MICU1: variants seen among roughly 807,000 people sequenced by gnomAD.
The protein encoded by MICU1 is mitochondrial calcium uptake 1.
A neutral mutation model predicts 56.8 loss-of-function variants in MICU1; 45 were observed. The observed-to-expected ratio is 0.79, with a 90% CI of 0.62 to 1.02. The LOEUF is 1.02. Ranked by LOEUF, MICU1 falls within the 50% of genes least tolerant of loss-of-function variation. The probability of loss-of-function intolerance (pLI) is 0.00; values close to 1 mark genes in which losing one functional copy is unlikely to be tolerated. For missense variants in MICU1, 504 were observed against 587.1 expected, an observed-to-expected ratio of 0.86 and a Z score of 1.46; for synonymous variants, 186 against 195.1, an observed-to-expected ratio of 0.95 and a Z score of 0.39.
intron 10 of MICU1, among the ~76,000 whole-genome samples, chr10:72,377,238 G>C (rs1420894158): frequency 6.6e-6 from 1 of 151,938 alleles, no homozygotes; most frequent in Non-Finnish European, 1.5e-5. Context: ...TCCTGCTTCA[G>C]CCTCCCAAGT....
intron 6 of MICU1, chr10:72,477,555 T>C: frequency 7.2e-6 from 11 of 1,535,044 alleles, no homozygotes; most frequent in Non-Finnish European, 9.6e-6. Flanking sequence ...CACCATCTTC[T>C]TAGCTTAGTA....
At chr10:72,402,750 T>C (rs1863496794) in intron 10 of MICU1, among the ~76,000 whole-genome samples, 1 of 152,082 alleles carries the variant, frequency 6.6e-6, no homozygotes. Flanking sequence ...CAGGAAATGA[T>C]AAAGGAAGTT....
At chr10:72,454,540 T>C (rs369455485) in intron 8 of MICU1, among the ~76,000 whole-genome samples, 9 of 151,726 alleles carry the variant, frequency 5.9e-5, no homozygotes, top group Non-Finnish European at 1.5e-5. Flanking sequence ...CCCAGCACTT[T>C]GGGAGGCCAA....
chr10:72,504,300 C>G (rs950234201), intron 6 of MICU1, among the ~76,000 whole-genome samples: 9 of 152,058 alleles, frequency 5.9e-5, no homozygotes, highest in Non-Finnish European at 1.2e-4. Context: ...TGGAATAGAA[C>G]AGAAAACCCG....
At chr10:72,521,913 A>G (rs1867834349) in intron 5 of MICU1, among the ~76,000 whole-genome samples, 2 of 152,182 alleles carry the variant, frequency 1.3e-5, no homozygotes, top group African/African-American at 4.8e-5. Flanking sequence ...GCATATTTCA[A>G]TCATTTTGAA....
chr10:72,602,935 G>C (rs536954367), intron 1 of MICU1, among the ~76,000 whole-genome samples: 1 of 151,958 alleles, frequency 6.6e-6, no homozygotes, highest in Non-Finnish European at 1.5e-5. Context: ...GTGAAACACC[G>C]CCTCTGCTAA....
At position 72,458,721 on chromosome 10, in the gene MICU1, T is replaced by TAAA. The variant is rs1174947208; in HGVS notation, c.933+16378_933+16379insTTT. Among the ~76,000 whole-genome samples, 5 of 110,002 alleles carry TAAA rather than the reference T, an allele frequency of 4.5e-5. No homozygotes were observed. The South Asian group carries it at 8.2e-4, about 18-fold the overall frequency. 72.2% of individuals were successfully genotyped at this position (110,002 alleles called of 152,430 possible). On this transcript the variant is annotated intron_variant, in intron 8 of 11. Coordinates refer to ENST00000361114, the MANE Select transcript of MICU1 (RefSeq NM_001195518.2). The stretch of plus-strand genomic sequence containing the variant: ...CGGTTCCTGTTTTTTTTTTTTTTTT[T>TAAA]TAAATAAATACAGGGTCTCACTCTG...
intron 1 of MICU1, chr10:72,582,900 A>AT (rs1840940336): frequency 6.6e-6 from 1 of 152,136 alleles, no homozygotes; most frequent in African/African-American, 2.4e-5. Flanking sequence ...AGTGTGCTAC[A>AT]TGACCATCGA....
intron 11 of MICU1, among the ~76,000 whole-genome samples, chr10:72,369,532 G>A (rs1170830895): frequency 6.6e-6 from 1 of 152,126 alleles, no homozygotes; most frequent in East Asian, 1.9e-4. Context: ...TTAGGAGACT[G>A]CTGCAATAGT....
intron 8 of MICU1, among the ~76,000 whole-genome samples, chr10:72,442,850 G>A (rs548263997): frequency 6.6e-6 from 1 of 152,160 alleles, no homozygotes; most frequent in East Asian, 1.9e-4. Flanking sequence ...TCTGCCTCCT[G>A]GGTTCAAGTA....
At chr10:72,508,082 TA>T in intron 6 of MICU1, 72 bp downstream of exon 6, 3 of 671,164 alleles carry the variant, frequency 4.5e-6, no homozygotes, top group Non-Finnish European at 6.8e-6. Flanking sequence ...TCTTGTTTTA[TA>T]AACATATAAA....
intron 6 of MICU1, among the ~76,000 whole-genome samples, chr10:72,482,583 G>T (rs1319053267): frequency 6.6e-6 from 1 of 151,988 alleles, no homozygotes; most frequent in Non-Finnish European, 1.5e-5. Flanking sequence ...CATATTAAAT[G>T]AGCTGTTTTT....
intron 8 of MICU1, among the ~76,000 whole-genome samples, chr10:72,439,937 T>C (rs902026412): frequency 3.9e-5 from 6 of 152,142 alleles, no homozygotes; most frequent in African/African-American, 9.7e-5. Context: ...TGCTCATGGA[T>C]AGGAAGAATC....
rs201416706 is a variant in MICU1 at position 72,517,683 on chromosome 10, C to T, written c.538-9414G>A. ...TACAAATTGGGTTCAGTGTACACTG[C>T]TCGGTGATGGGTGCACCAAAATCTC... On this transcript the variant is annotated intron_variant, in intron 5 of 11. Coordinates refer to ENST00000361114, the MANE Select transcript of MICU1 (RefSeq NM_001195518.2). Among the ~76,000 whole-genome samples, 295 of 152,066 alleles carry T rather than the reference C, an allele frequency of 1.9e-3. 1 individual carries two copies. Among genetic ancestry groups the T allele is most frequent in the East Asian group, 0.017 (88 of 5,174 alleles).
At chr10:72,384,143 G>A (rs1862811756) in intron 10 of MICU1, among the ~76,000 whole-genome samples, 1 of 152,186 alleles carries the variant, frequency 6.6e-6, no homozygotes, top group East Asian at 1.9e-4. Flanking sequence ...ACAGGCTCGC[G>A]CCACCATGCC....
intron 3 of MICU1, among the ~76,000 whole-genome samples, chr10:72,559,667 C>CT: frequency 6.6e-6 from 1 of 151,928 alleles, no homozygotes; most frequent in South Asian, 2.1e-4. Context: ...AATGAATAAA[C>CT]TTTTTTTTAA....
intron 10 of MICU1, among the ~76,000 whole-genome samples, chr10:72,397,426 A>G (rs1202200424): frequency 6.6e-6 from 1 of 152,234 alleles, no homozygotes; most frequent in Non-Finnish European, 1.5e-5. Flanking sequence ...AAATTCACAC[A>G]TAGCAATATT....
At chr10:72,519,601 A>C (rs1460210881) in intron 5 of MICU1, among the ~76,000 whole-genome samples, 1 of 152,156 alleles carries the variant, frequency 6.6e-6, no homozygotes, top group Non-Finnish European at 1.5e-5. Flanking sequence ...TATAAAATAC[A>C]TGGTTAAAGT....
At chr10:72,462,040 G>GC (rs1655459467) in intron 8 of MICU1, among the ~76,000 whole-genome samples, 1 of 152,122 alleles carries the variant, frequency 6.6e-6, no homozygotes, top group Admixed American at 6.6e-5. Flanking sequence ...GAGACTTTGA[G>GC]CAAGTTATTT....
Sources: gnomAD v4.1 joint callset for allele counts (sites outside exome capture counted in the v4.1 genomes callset) on GRCh38, gnomAD v4.1.1 for gene constraint, MANE v1.5 for transcripts, NCBI Gene and HGNC (gene_info 2026-07-23, HGNC 2026-07-21) for gene names.